The following ZHX1 variants were observed in gnomAD, a reference collection of about 807,000 sequenced individuals.
ZHX1 encodes the protein zinc fingers and homeoboxes 1.
Under a neutral mutation model 61.8 loss-of-function variants are expected in ZHX1, and 20 were observed. That is an observed-to-expected ratio of 0.32 (90% CI 0.23 to 0.47). The LOEUF (loss-of-function observed/expected upper bound fraction) is 0.47, where lower values mean the gene tolerates loss of function less well. ZHX1 is among the 20% of genes least tolerant of loss of function. The pLI is 1.00. For missense variants in ZHX1, 800 were observed against 1,034.8 expected (o/e 0.77, Z 3.11); for synonymous variants, 318 against 352.6 (o/e 0.90, Z 1.10).
chr8:123,260,785 C>T, intron 2 of ZHX1, among the ~76,000 whole-genome samples: 1 of 151,640 alleles, frequency 6.6e-6, no homozygotes, highest in Non-Finnish European at 1.5e-5. Context: ...GGGAAGCTGG[C>T]AGGGGCGCGG....
At chr8:123,250,763 A>G (rs1478950382) in intron 3 of ZHX1, among the ~76,000 whole-genome samples, 1 of 152,236 alleles carries the variant, frequency 6.6e-6, no homozygotes, top group African/African-American at 2.4e-5. Flanking sequence ...TATTTAGAGA[A>G]GGCTATGGTG....
chr8:123,256,284 C>G (rs1173980357), intron 2 of ZHX1, 113 bp from the exon 3 acceptor site: 2 of 177,898 alleles, frequency 1.1e-5, no homozygotes, highest in Non-Finnish European at 2.3e-5. Flanking sequence ...TTACAAAGAT[C>G]TAGAATAAGA....
In ZHX1 at chr8:123,256,072, C is replaced by T; in HGVS notation, c.-126G>A. ...GTCCATTTTTGTGCTCAACAAGTCT[C>T]ATTAGCAGCTTTCTCATGGTGCAAT... is the stretch of plus-strand genomic sequence containing the variant. On this transcript the variant is annotated 5_prime_UTR_variant, in exon 3 of 4. It removes an upstream start codon present in the reference 5' UTR. Transcript: ENST00000395571. The T allele has an allele frequency of 2.6e-6, 2 of 772,688 alleles. No individual in the cohort carries two copies. Among genetic ancestry groups the T allele is most frequent in the Non-Finnish European group, 4.0e-6 (2 of 503,374 alleles). 47.9% of individuals were successfully genotyped at this position (772,688 alleles called of 1,614,324 possible).
intron 2 of ZHX1, among the ~76,000 whole-genome samples, chr8:123,260,031 G>A (rs1826197309): frequency 6.6e-6 from 1 of 152,092 alleles, no homozygotes; most frequent in Non-Finnish European, 1.5e-5. Flanking sequence ...GGTGGCGAGC[G>A]CCTGTAATCC....
chr8:123,269,361 T>C (rs1826568285), intron 1 of ZHX1, among the ~76,000 whole-genome samples: 2 of 152,210 alleles, frequency 1.3e-5, no homozygotes, highest in South Asian at 2.1e-4. Flanking sequence ...ATCAGTGCTT[T>C]TGAATGAAAA....
chr8:123,254,134 T>G lies in ZHX1; in HGVS notation c.1813A>C (p.Thr605Pro). 6.2e-7 allele frequency: 1 copy of G among 1,614,170 alleles called. No individual in the cohort carries two copies. The highest frequency in any genetic ancestry group is 8.5e-7 in the Non-Finnish European group (1 of 1,180,022). ...TCGATTTCTCTTCTGGTAAGTTTGG[T>G]TTGTGCCCTTAACCTATTTAATTCT... The part of the protein sequence containing the change: ...DEELNRLRAQ[T>P]KLTRREIDAW... Residue 605 changes from threonine (T) to proline (P), a missense_variant, in exon 3 of 4, where the codon ACC becomes CCC. Coordinates refer to ENST00000395571, the MANE Select transcript of ZHX1 (RefSeq NM_007222.5). The surrounding 1 kb of genome is among the most constrained non-coding windows in gnomAD (Gnocchi z 4.1).
At chr8:123,273,824 T>G (rs565066102) in intron 1 of ZHX1, 7 of 152,680 alleles carry the variant, frequency 4.6e-5, no homozygotes, top group Non-Finnish European at 7.3e-5. Context: ...CAGTCTTCAC[T>G]CCTCTCAACA....
chr8:123,259,829 A>C (rs1196192583), intron 2 of ZHX1, among the ~76,000 whole-genome samples: 2 of 152,236 alleles, frequency 1.3e-5, no homozygotes, highest in Admixed American at 1.3e-4. Flanking sequence ...TTCATCAAAC[A>C]AAATGCTATG....
chr8:123,274,875 C>T (rs952654796), upstream of ZHX1, among the ~76,000 whole-genome samples: 2 of 152,100 alleles, frequency 1.3e-5, no homozygotes, highest in African/African-American at 2.4e-5. Context: ...ATCACACGCC[C>T]ATCCCCTGGG....
intron 2 of ZHX1, among the ~76,000 whole-genome samples, chr8:123,257,620 A>G (rs939407267): frequency 6.6e-6 from 1 of 151,232 alleles, no homozygotes. Flanking sequence ...TTGGGATGAA[A>G]CTCTTCCACC....
intron 2 of ZHX1, among the ~76,000 whole-genome samples, chr8:123,262,097 C>T (rs548796441): frequency 5.3e-5 from 8 of 152,246 alleles, no homozygotes; most frequent in African/African-American, 1.9e-4. Context: ...AGTTGCACAA[C>T]TCAGTAGCTA....
Position 123,256,065 on chromosome 8 carries a change from C to CG in ZHX1, c.-120_-119insC, listed in dbSNP as rs1393891901. Reference sequence around the variant, plus strand: ...TCTTCAAGTCCATTTTTGTGCTCAACAAGTCTCATTAGCAGCTTTCTCATG... The same window carrying CG: ...TCTTCAAGTCCATTTTTGTGCTCAACGAAGTCTCATTAGCAGCTTTCTCATG... On this transcript the variant is annotated 5_prime_UTR_variant, in exon 3 of 4. The change creates a premature stop within an existing upstream ORF in the 5' untranslated region. Transcript: ENST00000395571. 1.1e-6 allele frequency: 1 copy of CG among 884,076 alleles called. No individual in the cohort carries two copies. The highest frequency in any genetic ancestry group is 1.7e-6 in the Non-Finnish European group (1 of 595,244). The allele number at this position is 884,076 out of a possible 1,614,324, so 54.8% of individuals were successfully genotyped here.
At chr8:123,252,097 C>T (rs1481213759) in intron 3 of ZHX1, among the ~76,000 whole-genome samples, 3 of 152,128 alleles carry the variant, frequency 2.0e-5, no homozygotes, top group African/African-American at 7.2e-5. Context: ...AGTAAGCATG[C>T]TCACGTATAA....
At chr8:123,265,024 A>C (rs1342057807) in intron 2 of ZHX1, among the ~76,000 whole-genome samples, 1 of 150,972 alleles carries the variant, frequency 6.6e-6, no homozygotes, top group Non-Finnish European at 1.5e-5. Context: ...CCCTGTCTCT[A>C]CTAAAAATAC....
intron 2 of ZHX1, among the ~76,000 whole-genome samples, chr8:123,256,765 A>G (rs1035238466): frequency 3.4e-5 from 5 of 147,928 alleles, no homozygotes; most frequent in Non-Finnish European, 7.5e-5. Context: ...CTCCATCTCA[A>G]AAAAAAAAAA....
In ZHX1 at chr8:123,256,034, TTTGG is replaced by T. The variant is rs1826061980; in HGVS notation, c.-92_-89del. 2 of 1,330,226 alleles carry T rather than the reference TTTGG, an allele frequency of 1.5e-6. No individual in the cohort carries two copies. Among genetic ancestry groups the T allele is most frequent in the African/African-American group, 2.9e-5 (2 of 68,076 alleles). The allele number at this position is 1,330,226 out of a possible 1,614,324, so 82.4% of individuals were successfully genotyped here. On this transcript the variant is annotated 5_prime_UTR_variant, in exon 3 of 4. The change abolishes the stop of an existing upstream ORF in the 5' untranslated region. Transcript: ENST00000395571. ...TGTTCTTCATTTGAAAACAATGGCT[TTTGG>T]TTCTTCAAGTCCATTTTTGTGCTCA...
intron 1 of ZHX1, among the ~76,000 whole-genome samples, chr8:123,272,897 CATGG>C: frequency 6.6e-6 from 1 of 152,104 alleles, no homozygotes. Flanking sequence ...GCTTAAGTTA[CATGG>C]AATCCCAACC....
intron 3 of ZHX1, 110 bp from the exon 4 acceptor site, chr8:123,250,430 A>G (rs1825887059): frequency 3.0e-6 from 1 of 338,390 alleles, no homozygotes; most frequent in Non-Finnish European, 5.7e-6. Flanking sequence ...TTCTCTTGAG[A>G]TTACCTGCCA....
intron 1 of ZHX1, among the ~76,000 whole-genome samples, chr8:123,268,067 G>A (rs1826521185): frequency 1.3e-5 from 2 of 152,140 alleles, no homozygotes; most frequent in South Asian, 2.1e-4. Flanking sequence ...ACTAAGAAAT[G>A]GGAGTAGTTG....
Sources: allele counts gnomAD v4.1 joint callset (sites outside exome capture counted in the v4.1 genomes callset), GRCh38; gene constraint gnomAD v4.1.1; non-coding constraint Gnocchi (gnomAD v3.1); transcripts MANE v1.5; gene names NCBI Gene and HGNC (gene_info 2026-07-23, HGNC 2026-07-21).